Variants in NRXN3 observed in about 807,000 individuals in gnomAD.
NRXN3 encodes the protein neurexin 3, also known as neurexin III.
In NRXN3, 32 loss-of-function variants were observed where a neutral mutation model predicts 137.6. The observed-to-expected ratio is 0.23, with a 90% confidence interval of 0.18 to 0.31. NRXN3 has a LOEUF of 0.31. NRXN3 is among the 10% of genes least tolerant of loss of function. The pLI is 1.00. For missense variants in NRXN3, 1,574 were observed against 2,062.5 expected, an observed-to-expected ratio of 0.76 and a Z score of 4.59; for synonymous variants, 798 against 784.5, an observed-to-expected ratio of 1.02 and a Z score of -0.29.
chr14:79,818,652 T>C (rs981532368), intron 20 of NRXN3, among the ~76,000 whole-genome samples: 1 of 152,214 alleles, frequency 6.6e-6, no homozygotes, highest in Non-Finnish European at 1.5e-5. Flanking sequence ...GTTGTAACTA[T>C]TTGTTTATCC....
intron 14 of NRXN3, among the ~76,000 whole-genome samples, chr14:78,986,447 G>A (rs538010184): frequency 1.4e-4 from 21 of 152,074 alleles, no homozygotes; most frequent in South Asian, 8.3e-4. Flanking sequence ...AGTGCCAGGC[G>A]GACCGAAAGA....
chr14:79,722,187 C>T (rs893231310), intron 19 of NRXN3, among the ~76,000 whole-genome samples: 3 of 152,030 alleles, frequency 2.0e-5, no homozygotes, highest in African/African-American at 7.2e-5. Flanking sequence ...CCCTCCTCTC[C>T]ATCATCACTG....
intron 4 of NRXN3, among the ~76,000 whole-genome samples, chr14:78,341,101 C>G (rs1450420460): frequency 2.0e-5 from 3 of 152,052 alleles, no homozygotes; most frequent in Non-Finnish European, 4.4e-5. Flanking sequence ...TCACATTTAA[C>G]TGGACAGTTT....
chr14:78,284,421 G>A (rs1327923962), intron 3 of NRXN3, among the ~76,000 whole-genome samples: 2 of 152,062 alleles, frequency 1.3e-5, no homozygotes, highest in Non-Finnish European at 1.5e-5. Context: ...ATAAAACTAA[G>A]TTGTGCCTGG....
intron 4 of NRXN3, among the ~76,000 whole-genome samples, chr14:78,410,557 C>T (rs1421506396): frequency 6.6e-6 from 1 of 152,186 alleles, no homozygotes; most frequent in African/African-American, 2.4e-5. Flanking sequence ...GGACCTGGAA[C>T]ATCTTTGGTC....
At chr14:79,319,300 T>C (rs1417058899) in intron 15 of NRXN3, among the ~76,000 whole-genome samples, 2 of 152,192 alleles carry the variant, frequency 1.3e-5, no homozygotes, top group Admixed American at 1.3e-4. Flanking sequence ...TAGAAGCAGC[T>C]ATAATATTCC....
intron 16 of NRXN3, among the ~76,000 whole-genome samples, chr14:79,601,734 C>G (rs2097924274): frequency 6.6e-6 from 1 of 152,160 alleles, no homozygotes; most frequent in African/African-American, 2.4e-5. Flanking sequence ...AACATTAAAG[C>G]ACAGGTTACA....
chr14:78,971,598 C>G (rs865927115), intron 14 of NRXN3, among the ~76,000 whole-genome samples: 31 of 152,002 alleles, frequency 2.0e-4, no homozygotes, highest in Admixed American at 5.2e-4. Flanking sequence ...AAATAAAAGG[C>G]AAAAGAGTCC....
At chr14:79,719,632 A>G (rs921790096) in intron 19 of NRXN3, among the ~76,000 whole-genome samples, 2 of 152,064 alleles carry the variant, frequency 1.3e-5, no homozygotes, top group East Asian at 3.9e-4. Flanking sequence ...TGTGAAGTAA[A>G]TTCCACCCGT....
At chr14:79,410,082 C>T (rs1264709627) in intron 15 of NRXN3, among the ~76,000 whole-genome samples, 3 of 151,472 alleles carry the variant, frequency 2.0e-5, no homozygotes, top group African/African-American at 4.9e-5. Context: ...CCATTTGCCC[C>T]TTATTTGATT....
intron 20 of NRXN3, among the ~76,000 whole-genome samples, chr14:79,850,875 C>T (rs2099390046): frequency 6.6e-6 from 1 of 152,170 alleles, no homozygotes; most frequent in Non-Finnish European, 1.5e-5. Flanking sequence ...TAAAGATATA[C>T]ATGCATTATA....
chr14:79,862,261 G>C lies in NRXN3; in HGVS notation c.*297G>C, dbSNP rs747775841. ...CTTAGCGCTCTGGAGCCGGACGGTGGCTCCACCACTTCCGCAGGCCTGGAA... is the reference window on the plus strand; with the variant it reads ...CTTAGCGCTCTGGAGCCGGACGGTGCCTCCACCACTTCCGCAGGCCTGGAA... On this transcript the variant is annotated 3_prime_UTR_variant, in exon 21 of 21. Coordinates refer to ENST00000335750, the MANE Select transcript of NRXN3 (RefSeq NM_001330195.2). 4.0e-6 allele frequency: 1 copy of C among 250,610 alleles called. No homozygotes were observed. The highest frequency in any genetic ancestry group is 7.7e-6 in the Non-Finnish European group (1 of 129,472). 15.5% of individuals were successfully genotyped at this position (250,610 alleles called of 1,614,324 possible).
rs548225026 is a variant in NRXN3, at chr14:78,482,686, A to C, written c.758-162434A>C. On this transcript the variant is annotated intron_variant, in intron 4 of 20. Coordinates refer to ENST00000335750, the MANE Select transcript of NRXN3 (RefSeq NM_001330195.2). ...TTAGACTTGTTACTTCTGTTTTGAC[A>C]GAAAGAATAGACAATACGACTACAA... Among the ~76,000 whole-genome samples, 21 of 152,340 alleles carry C rather than the reference A, an allele frequency of 1.4e-4. No individual in the cohort carries two copies. The East Asian group carries it at 4.1e-3, about 29-fold the overall frequency.
chr14:78,693,318 T>C (rs950499354), intron 6 of NRXN3, among the ~76,000 whole-genome samples: 1 of 151,876 alleles, frequency 6.6e-6, no homozygotes, highest in Admixed American at 6.6e-5. Flanking sequence ...TTACCACTAC[T>C]GCTGTAGACC....
intron 15 of NRXN3, among the ~76,000 whole-genome samples, chr14:79,103,947 C>T (rs1184435752): frequency 1.3e-5 from 2 of 152,220 alleles, no homozygotes; most frequent in African/African-American, 4.8e-5. Context: ...AAGCAATAGA[C>T]ACATGTTCAT....
chr14:78,661,793 A>G (rs1055120808), intron 6 of NRXN3, among the ~76,000 whole-genome samples: 3 of 152,184 alleles, frequency 2.0e-5, no homozygotes, highest in Non-Finnish European at 4.4e-5. Flanking sequence ...CAATAATTAT[A>G]CCTACTTGAT....
intron 16 of NRXN3, among the ~76,000 whole-genome samples, chr14:79,550,215 C>T (rs536136362): frequency 2.0e-5 from 3 of 152,148 alleles, no homozygotes; most frequent in South Asian, 4.1e-4. Context: ...ATGATCCACC[C>T]GCCTCAGCCT....
chr14:78,810,423 A>C, intron 10 of NRXN3, 79 bp downstream of exon 10: 1 of 619,760 alleles, frequency 1.6e-6, no homozygotes, highest in Non-Finnish European at 2.3e-6. Flanking sequence ...CTGTTTTATG[A>C]GCTGTTTTTT....
chr14:79,592,189 T>C (rs1323024753), intron 16 of NRXN3, among the ~76,000 whole-genome samples: 1 of 152,214 alleles, frequency 6.6e-6, no homozygotes. Context: ...TATCCTTTTC[T>C]TGTCTGGCTT....
Sources: allele counts gnomAD v4.1 joint callset (sites outside exome capture counted in the v4.1 genomes callset), GRCh38; gene constraint gnomAD v4.1.1; transcripts MANE v1.5; gene names NCBI Gene and HGNC (gene_info 2026-07-23, HGNC 2026-07-21).